SKI: variants seen among roughly 807,000 people sequenced by gnomAD.
The protein encoded by SKI is SKI proto-oncogene, also known as ski oncogene.
In SKI, 23 loss-of-function variants were observed where a neutral mutation model predicts 59.3. The ratio of observed to expected loss-of-function variants is 0.39; its 90% confidence interval spans 0.28 to 0.55. SKI has a LOEUF of 0.55. Among genes scored for constraint, SKI ranks in the 20% least tolerant of loss-of-function variants. The pLI, the probability that SKI is intolerant of heterozygous loss-of-function variation, is 0.67. For synonymous variants in SKI, 673 were observed against 488.6 expected (o/e 1.38, Z -4.98); for missense variants, 1,017 against 1,038.9 (o/e 0.98, Z 0.29).
chr1:2,292,687 G>A (rs1640189125), intron 1 of SKI, among the ~76,000 whole-genome samples: 1 of 152,226 alleles, frequency 6.6e-6, no homozygotes, highest in Non-Finnish European at 1.5e-5. Context: ...GCCTAAGGGA[G>A]GGAGAGAGGA....
chr1:2,309,999 C>T lies in SKI; in HGVS notation c.*3234C>T, dbSNP rs1640711258. On this transcript the variant is annotated 3_prime_UTR_variant, in exon 7 of 7. Coordinates refer to ENST00000378536, the MANE Select transcript of SKI (RefSeq NM_003036.4). ...CCTTTAACATCACCCAGACCCCCGC[C>T]CCTGCCCGTGCCCCACGCTGCTGCT... 6.7e-6 allele frequency: 1 copy of T among 149,318 alleles called. No individual in the cohort carries two copies. The highest frequency in any genetic ancestry group is 2.5e-5 in the African/African-American group (1 of 40,196). The allele number at this position is 149,318 out of a possible 1,614,324, so 9.2% of individuals were successfully genotyped here. A position where few individuals can be genotyped will look rare whatever the true frequency, so the allele number is the denominator to read the frequency against.
chr1:2,293,676 C>T (rs567824030), intron 1 of SKI, among the ~76,000 whole-genome samples: 6 of 152,286 alleles, frequency 3.9e-5, no homozygotes, highest in East Asian at 1.9e-4. Flanking sequence ...CTCGTGTTTC[C>T]GCTGCCCCTG....
At chr1:2,290,403 C>G (rs1000109636) in intron 1 of SKI, among the ~76,000 whole-genome samples, 6 of 152,186 alleles carry the variant, frequency 3.9e-5, no homozygotes, top group African/African-American at 1.2e-4. Flanking sequence ...ACAGCCGCCA[C>G]CCTGCACTGC....
chr1:2,306,395 A>G (rs1168728299), intron 6 of SKI, 145 bp downstream of exon 6: 3 of 994,768 alleles, frequency 3.0e-6, no homozygotes, highest in Non-Finnish European at 1.4e-6. Flanking sequence ...CCCGACGGGC[A>G]CAGGGTGGGT....
At position 2,260,431 on chromosome 1, in the gene SKI, G is replaced by A. The variant is rs141826813; in HGVS notation, c.969+30696G>A. On this transcript the variant is annotated intron_variant, in intron 1 of 6. Coordinates refer to ENST00000378536, the MANE Select transcript of SKI (RefSeq NM_003036.4). The stretch of plus-strand genomic sequence containing the variant: ...GTCCCTTTTCACATTTGCGCCTTAC[G>A]TAGACTTTGTCCCTGTCCATGGCTT... Among the ~76,000 whole-genome samples the A allele has an allele frequency of 4.6e-5, 7 of 151,708 alleles. No homozygotes were observed. In the East Asian group the frequency reaches 5.8e-4, roughly 13 times the overall value.
intron 1 of SKI, among the ~76,000 whole-genome samples, chr1:2,262,750 T>A (rs117371669): frequency 6.6e-6 from 1 of 152,198 alleles, no homozygotes; most frequent in Non-Finnish European, 1.5e-5. Flanking sequence ...TTATTGAGAT[T>A]ATTAATATGG....
rs544459354 is a variant in SKI, at chr1:2,308,033, A to G, written c.*1268A>G. The stretch of plus-strand genomic sequence containing the variant: ...GAATAAGTTCCTTGCATTTATTCCA[A>G]ATAATCTCGTTTACTCTCACCTGTT... On this transcript the variant is annotated 3_prime_UTR_variant, in exon 7 of 7. Transcript: ENST00000378536. 2.0e-5 allele frequency: 3 copies of G among 152,414 alleles called. No homozygotes were observed. The highest frequency in any genetic ancestry group is 4.8e-5 in the African/African-American group (2 of 41,454). 9.4% of individuals were successfully genotyped at this position (152,414 alleles called of 1,614,324 possible).
chr1:2,299,249 G>A (rs532489557), intron 1 of SKI, among the ~76,000 whole-genome samples: 2 of 77,240 alleles, frequency 2.6e-5, no homozygotes, highest in African/African-American at 1.1e-4. Flanking sequence ...TCCCTGCCTC[G>A]GGGAGGGGGG....
intron 1 of SKI, among the ~76,000 whole-genome samples, chr1:2,233,577 G>A (rs1185132856): frequency 1.3e-5 from 2 of 152,110 alleles, no homozygotes; most frequent in African/African-American, 4.8e-5. Flanking sequence ...TCCCAGTGGA[G>A]GGTCCGCGAC....
At chr1:2,258,521 T>G (rs1354410979) in intron 1 of SKI, among the ~76,000 whole-genome samples, 1 of 149,244 alleles carries the variant, frequency 6.7e-6, no homozygotes, top group African/African-American at 2.5e-5. Flanking sequence ...TTTTTTTTTC[T>G]CCCATGAGTG....
Position 2,229,039 on chromosome 1 carries a change from C to A in SKI, c.273C>A (p.Phe91Leu). 1.2e-6 allele frequency: 2 copies of A among 1,602,472 alleles called. No individual in the cohort carries two copies. Among genetic ancestry groups the A allele is most frequent in the Non-Finnish European group, 1.7e-6 (2 of 1,179,008 alleles). Residue 91 changes from phenylalanine (F) to leucine (L), a missense_variant, in exon 1 of 7, where the codon TTC (phenylalanine) becomes TTA (leucine). Phe to Leu is a conservative substitution (Grantham distance 22). Transcript: ENST00000378536. This position sits in a 1 kb window ranked among gnomAD's most constrained non-coding sequence, Gnocchi z 6.3. ...CGCCCGTGCTGCCCGGGCCCTTCTT[C>A]ATGCCGTCCGACCGCTCCACCGAGC... is the stretch of plus-strand genomic sequence containing the variant. ...PPPPVLPGPFFMPSDRSTERC... is the reference protein window; with the variant it reads ...PPPPVLPGPFLMPSDRSTERC...
At chr1:2,304,869 G>A (rs1023917951) in intron 5 of SKI, among the ~76,000 whole-genome samples, 11 of 152,228 alleles carry the variant, frequency 7.2e-5, no homozygotes, top group South Asian at 2.1e-4. Context: ...CACACCCTGC[G>A]TGGTGGCCCC....
In SKI at chr1:2,229,347, C is replaced by A. The variant is rs746882046; in HGVS notation, c.581C>A (p.Ala194Asp). ...RLCNALLYGG[A>D]YPPPCKKELA... ...TGCAACGCGCTGCTCTACGGCGGCG[C>A]CTACCCGCCGCCCTGCAAGAAGGAG... is the stretch of plus-strand genomic sequence containing the variant. Residue 194 changes from alanine (A) to aspartate (D), a missense_variant, in exon 1 of 7, where the codon GCC becomes GAC. Ala to Asp is a moderately radical substitution (Grantham distance 126). Transcript: ENST00000378536. The surrounding 1 kb of genome is among the most constrained non-coding windows in gnomAD (Gnocchi z 6.3). 3.8e-6 allele frequency: 6 copies of A among 1,595,518 alleles called. No homozygotes were observed. Among genetic ancestry groups the A allele is most frequent in the Non-Finnish European group, 5.1e-6 (6 of 1,171,468 alleles).
intron 1 of SKI, among the ~76,000 whole-genome samples, chr1:2,279,021 C>A (rs956957016): frequency 1.3e-5 from 2 of 152,218 alleles, no homozygotes; most frequent in African/African-American, 4.8e-5. Context: ...CAAGGGCAGG[C>A]TGTGGCCGTC....
At chr1:2,242,929 C>G (rs1011675293) in intron 1 of SKI, among the ~76,000 whole-genome samples, 4 of 152,230 alleles carry the variant, frequency 2.6e-5, no homozygotes, top group Non-Finnish European at 4.4e-5. Flanking sequence ...TTGTGACATG[C>G]TTGTAAGAAG....
rs776475482 is a variant in SKI, at chr1:2,229,684, C to G, written c.918C>G (p.Asp306Glu). The part of the protein sequence containing the change: ...EQARLGRCLD[D>E]VKEKFDYGNK... ...CGCGCCTCGGCCGCTGCCTGGACGA[C>G]GTGAAGGAGAAATTCGACTATGGCA... Residue 306 changes from aspartate (D) to glutamate (E), a missense_variant, in exon 1 of 7, where the codon GAC becomes GAG. Transcript: ENST00000378536. This position sits in a 1 kb window ranked among gnomAD's most constrained non-coding sequence, Gnocchi z 6.3. 3 of 1,602,878 alleles carry G rather than the reference C, an allele frequency of 1.9e-6. No individual in the cohort carries two copies. Among genetic ancestry groups the G allele is most frequent in the Non-Finnish European group, 2.6e-6 (3 of 1,175,470 alleles).
rs575313550 is a variant in SKI, at chr1:2,289,184, G to A, written c.970-13794G>A. 3.9e-5 allele frequency among the ~76,000 whole-genome samples: 6 copies of A among 152,350 alleles called. No homozygotes were observed. The East Asian group carries it at 9.7e-4, about 25-fold the overall frequency. On this transcript the variant is annotated intron_variant, in intron 1 of 6. Coordinates refer to ENST00000378536, the MANE Select transcript of SKI (RefSeq NM_003036.4). Reference sequence around the variant, plus strand: ...AAGCACACAGAAGGCAGAGGCTAGAGATGCAGCTCCTCTGTTATGTTGAGC... The same window carrying A: ...AAGCACACAGAAGGCAGAGGCTAGAAATGCAGCTCCTCTGTTATGTTGAGC...
chr1:2,291,365 G>A (rs1372132348), intron 1 of SKI, among the ~76,000 whole-genome samples: 1 of 152,228 alleles, frequency 6.6e-6, no homozygotes, highest in African/African-American at 2.4e-5. Flanking sequence ...TCTGGGGTCT[G>A]TGGTTCGAGG....
chr1:2,239,921 C>G (rs184803039), intron 1 of SKI, among the ~76,000 whole-genome samples: 1 of 152,216 alleles, frequency 6.6e-6, no homozygotes, highest in Admixed American at 6.5e-5. Flanking sequence ...TGCGGGTCCC[C>G]GTAACTTCAG....
Sources: gnomAD v4.1 joint callset for allele counts (sites outside exome capture counted in the v4.1 genomes callset) on GRCh38, gnomAD v4.1.1 for gene constraint, Gnocchi (gnomAD v3.1) non-coding constraint, MANE v1.5 for transcripts, NCBI Gene and HGNC (gene_info 2026-07-23, HGNC 2026-07-21) for gene names.